Variants in PCDHA10 observed in about 807,000 individuals in gnomAD.
PCDHA10 encodes the protein protocadherin alpha 10, also known as protocadherin alpha-10.
Under a neutral mutation model 61.2 loss-of-function variants are expected in PCDHA10, and 45 were observed. The observed-to-expected ratio is 0.74, with a 90% CI of 0.58 to 0.94. The LOEUF (loss-of-function observed/expected upper bound fraction) is 0.94, where lower values mean the gene tolerates loss of function less well. Ranked by LOEUF, PCDHA10 falls within the 40% of genes least tolerant of loss-of-function variation. The pLI, the probability that PCDHA10 is intolerant of heterozygous loss-of-function variation, is 0.00. For synonymous variants in PCDHA10, 602 were observed against 548.8 expected (o/e 1.10, Z -1.35); for missense variants, 1,278 against 1,236.2 (o/e 1.03, Z -0.51).
Position 140,935,377 on chromosome 5 carries a change from C to T in PCDHA10, c.2389-43572C>T, listed in dbSNP as rs139207351. On this transcript the variant is annotated intron_variant, in intron 1 of 3. Coordinates refer to ENST00000307360, the MANE Select transcript of PCDHA10 (RefSeq NM_018901.4). ...GTTTTCATTAACGTCAACAGAATTA[C>T]TCATTTGTTATCCCACGGGACTCAA... is the stretch of plus-strand genomic sequence containing the variant. Among the ~76,000 whole-genome samples the T allele has an allele frequency of 1.3e-4, 20 of 152,332 alleles. No individual in the cohort carries two copies. In the East Asian group the frequency reaches 3.1e-3, roughly 23 times the overall value.
intron 3 of PCDHA10, among the ~76,000 whole-genome samples, chr5:140,992,189 G>T (rs1554252741): frequency 6.6e-6 from 1 of 152,098 alleles, no homozygotes; most frequent in Non-Finnish European, 1.5e-5. Context: ...TGCTTTCAGT[G>T]ATCTATCCAA....
intron 1 of PCDHA10, chr5:140,877,658 T>G: frequency 6.2e-7 from 1 of 1,613,486 alleles, no homozygotes. Context: ...CCGCCCACCG[T>G]GAGCCGGTGC....
chr5:140,864,184 A>T (rs2153225198), intron 1 of PCDHA10: 1 of 152,304 alleles, frequency 6.6e-6, no homozygotes, highest in East Asian at 1.9e-4. Context: ...ATGATGAATA[A>T]TGATCCTTAT....
intron 2 of PCDHA10, chr5:140,982,257 G>A: frequency 1.2e-6 from 1 of 804,182 alleles, no homozygotes; most frequent in Admixed American, 3.3e-5. Context: ...TAGAACATGT[G>A]TGTTCCTGGA....
At chr5:140,927,714 C>G (rs111315855) in intron 1 of PCDHA10, 1 of 1,614,198 alleles carries the variant, frequency 6.2e-7, no homozygotes. Flanking sequence ...CCCTAAGCAA[C>G]AGCACGCAAG....
At chr5:141,004,192 C>G (rs2098157863) in intron 3 of PCDHA10, among the ~76,000 whole-genome samples, 1 of 152,192 alleles carries the variant, frequency 6.6e-6, no homozygotes, top group African/African-American at 2.4e-5. Flanking sequence ...TGCTCTTAAC[C>G]AAAAGGAATT....
intron 1 of PCDHA10, chr5:140,884,166 C>T: frequency 1.2e-6 from 2 of 1,613,430 alleles, no homozygotes; most frequent in Non-Finnish European, 1.7e-6. Context: ...GAGATCAGCA[C>T]GACGCGCCCT....
At chr5:140,925,383 T>C (rs1554202722) in intron 1 of PCDHA10, among the ~76,000 whole-genome samples, 2 of 152,140 alleles carry the variant, frequency 1.3e-5, no homozygotes, top group African/African-American at 2.4e-5. Flanking sequence ...TCAATGAGTC[T>C]CCTTTTGGCT....
intron 1 of PCDHA10, chr5:140,877,927 A>C: frequency 7.1e-7 from 1 of 1,416,192 alleles, no homozygotes; most frequent in South Asian, 1.6e-5. Flanking sequence ...TTTCTTTATG[A>C]TTCTATCCTT....
In PCDHA10 at chr5:141,010,504, A is replaced by C; in HGVS notation, c.*567A>C. On this transcript the variant is annotated 3_prime_UTR_variant, in exon 4 of 4. Transcript: ENST00000307360. ...AACTTAAAGGGACCAGACTTTCTAA[A>C]TCTTACAACTCAAGAGGTGGCAGCC... is the stretch of plus-strand genomic sequence containing the variant. 1.8e-6 allele frequency: 1 copy of C among 549,734 alleles called. No homozygotes were observed. Among genetic ancestry groups the C allele is most frequent in the Non-Finnish European group, 2.9e-6 (1 of 344,512 alleles). The allele number at this position is 549,734 out of a possible 1,614,324, so 34.1% of individuals were successfully genotyped here.
intron 3 of PCDHA10, chr5:140,989,000 GAGACTTATTAT>G (rs2097324899): frequency 6.6e-6 from 1 of 152,202 alleles, no homozygotes; most frequent in Non-Finnish European, 1.5e-5. Flanking sequence ...TAAGGAAATA[GAGACTTATTAT>G]AGTTTCTTCA....
At chr5:140,966,488 C>A (rs1161799910) in intron 1 of PCDHA10, 8 of 440,132 alleles carry the variant, frequency 1.8e-5, no homozygotes, top group Admixed American at 8.7e-5. Flanking sequence ...TTTCCCTCCC[C>A]CTGGAGCTGT....
At chr5:140,876,082 C>A in intron 1 of PCDHA10, 1 of 1,613,932 alleles carries the variant, frequency 6.2e-7, no homozygotes, top group Non-Finnish European at 8.5e-7. Context: ...GGACAGAGAG[C>A]AAACGCCAAA....
In PCDHA10 at chr5:140,858,416, G is replaced by A. The variant is rs1301119075; in HGVS notation, c.2368G>A (p.Gly790Arg). 1 of 1,560,804 alleles carries A rather than the reference G, an allele frequency of 6.4e-7. No individual in the cohort carries two copies. Among genetic ancestry groups the A allele is most frequent in the African/African-American group, 1.4e-5 (1 of 73,736 alleles). Residue 790 changes from glycine to arginine, a missense_variant, in exon 1 of 4, where the codon GGA becomes AGA. Transcript: ENST00000307360. ...VDVDGEDQSI[G>R]GDHSRKPRQP... ...TGTGGACGGGGAAGATCAGTCTATT[G>A]GAGGGGACCACTCTAGGAAGGTGGG... is the stretch of plus-strand genomic sequence containing the variant.
At chr5:140,922,825 C>T (rs1554200979) in intron 1 of PCDHA10, among the ~76,000 whole-genome samples, 1 of 152,178 alleles carries the variant, frequency 6.6e-6, no homozygotes, top group Non-Finnish European at 1.5e-5. Context: ...CAGCATACTG[C>T]TAATAGATGT....
chr5:140,899,384 A>G (rs2067296665), intron 1 of PCDHA10, among the ~76,000 whole-genome samples: 2 of 152,124 alleles, frequency 1.3e-5, no homozygotes, highest in Admixed American at 1.3e-4. Context: ...TAATTTATTG[A>G]GAGTTTTTAG....
intron 1 of PCDHA10, among the ~76,000 whole-genome samples, chr5:140,889,028 C>T (rs1015343865): frequency 4.0e-5 from 6 of 151,754 alleles, no homozygotes; most frequent in African/African-American, 7.3e-5. Flanking sequence ...CTTGGATAAC[C>T]GTAATTTGAT....
intron 1 of PCDHA10, among the ~76,000 whole-genome samples, chr5:140,916,528 C>T (rs2077601043): frequency 6.6e-6 from 1 of 152,154 alleles, no homozygotes; most frequent in South Asian, 2.1e-4. Context: ...TGGGTCCTTC[C>T]CACCAAGGCA....
At chr5:140,935,358 A>C (rs2090329846) in intron 1 of PCDHA10, among the ~76,000 whole-genome samples, 1 of 152,220 alleles carries the variant, frequency 6.6e-6, no homozygotes, top group East Asian at 1.9e-4. Context: ...CCCAGTTTTC[A>C]TTAACGTCAA....
Sources: gnomAD v4.1 joint callset for allele counts (sites outside exome capture counted in the v4.1 genomes callset) on GRCh38, gnomAD v4.1.1 for gene constraint, MANE v1.5 for transcripts, NCBI Gene and HGNC (gene_info 2026-07-23, HGNC 2026-07-21) for gene names.